Variants in HECW1 observed in about 807,000 individuals in gnomAD.
The protein encoded by HECW1 is E3 ubiquitin-protein ligase HECW1.
A neutral mutation model predicts 182.3 loss-of-function variants in HECW1; 61 were observed. The ratio of observed to expected loss-of-function variants is 0.33; its 90% CI spans 0.27 to 0.41. The LOEUF is 0.41. HECW1 is among the 10% of genes least tolerant of loss of function. The pLI, the probability that HECW1 is intolerant of heterozygous loss-of-function variation, is 1.00. For synonymous variants in HECW1, 859 were observed against 832.6 expected (o/e 1.03, Z -0.55); for missense variants, 1,739 against 2,108.9 (o/e 0.82, Z 3.44).
At chr7:43,279,744 G>A (rs1313302414) in intron 3 of HECW1, among the ~76,000 whole-genome samples, 1 of 151,976 alleles carries the variant, frequency 6.6e-6, no homozygotes, top group Non-Finnish European at 1.5e-5. Flanking sequence ...TTCCTTCATG[G>A]GGTATAGTAA....
At chr7:43,321,240 A>G (rs778130623) in intron 5 of HECW1, among the ~76,000 whole-genome samples, 3 of 152,216 alleles carry the variant, frequency 2.0e-5, no homozygotes, top group Admixed American at 6.5e-5. Context: ...GCTGTGAGAC[A>G]TTGGTACTAC....
In HECW1 at chr7:43,311,768, G is replaced by A. The variant is rs764656686; in HGVS notation, c.33G>A (p.Leu11=). The A allele has an allele frequency of 5.0e-6, 8 of 1,613,736 alleles. No homozygotes were observed. Among genetic ancestry groups the A allele is most frequent in the Admixed American group, 3.3e-5 (2 of 60,000 alleles). Reference sequence around the variant, plus strand: ...CTGTCTCTTTGCTCCCACAGAATCTGTACCAGAACAGGTTTTTAGGCCTGG... The same window carrying A: ...CTGTCTCTTTGCTCCCACAGAATCTATACCAGAACAGGTTTTTAGGCCTGG... MLLHLCSVKN[L]YQNRFLGLAA... Residue 11 remains leucine (L), a synonymous_variant, in exon 4 of 30, where the codon CTG becomes CTA. Transcript: ENST00000395891.
intron 2 of HECW1, among the ~76,000 whole-genome samples, chr7:43,204,423 G>T (rs10229386): frequency 0.084 from 12,847 of 152,154 alleles, 775 homozygotes; most frequent in East Asian, 0.27. Flanking sequence ...GTTAAAGGAT[G>T]CAACTCACTA....
intron 2 of HECW1, among the ~76,000 whole-genome samples, chr7:43,205,412 T>G (rs1795375330): frequency 6.6e-6 from 1 of 152,176 alleles, no homozygotes; most frequent in Non-Finnish European, 1.5e-5. Flanking sequence ...GCTGGAATTG[T>G]CATCCTAGGA....
At chr7:43,154,883 A>T (rs1789712681) in intron 2 of HECW1, among the ~76,000 whole-genome samples, 1 of 152,224 alleles carries the variant, frequency 6.6e-6, no homozygotes, top group African/African-American at 2.4e-5. Flanking sequence ...AAATTATGTA[A>T]CATTTGATAT....
At chr7:43,266,920 G>A (rs1036482140) in intron 3 of HECW1, among the ~76,000 whole-genome samples, 2 of 152,112 alleles carry the variant, frequency 1.3e-5, no homozygotes, top group African/African-American at 2.4e-5. Flanking sequence ...AGTGTTTAAT[G>A]GGACAAAGTT....
Position 43,407,727 on chromosome 7 carries a change from C to T in HECW1, c.797C>T (p.Ala266Val), listed in dbSNP as rs2152845129. The change falls in exon 8 of 30, where the codon GCC (alanine) becomes GTC (valine). Residue 266 changes from alanine to valine, a missense_variant. This residue lies in a region of HECW1 where 279 missense variants were observed against 353.1 expected (regional missense o/e 0.79). Coordinates refer to ENST00000395891, the MANE Select transcript of HECW1 (RefSeq NM_015052.5). The part of the protein sequence containing the change: ...IGNTVNPIWQ[A>V]EQFSFVSLPT... Reference sequence around the variant, plus strand: ...AACACCGTGAACCCCATCTGGCAGGCCGAGGTGAGTGCTGTGGGCCCTGAA... The same window carrying T: ...AACACCGTGAACCCCATCTGGCAGGTCGAGGTGAGTGCTGTGGGCCCTGAA... 6.2e-7 allele frequency: 1 copy of T among 1,609,706 alleles called. No homozygotes were observed. The highest frequency in any genetic ancestry group is 1.1e-5 in the South Asian group (1 of 90,792).
At chr7:43,493,243 A>G (rs1460218414) in intron 19 of HECW1, 63 bp downstream of exon 19, 2 of 1,070,576 alleles carry the variant, frequency 1.9e-6, no homozygotes, top group Admixed American at 3.6e-5. Context: ...CCGGTGGGAA[A>G]ACACCTCTGT....
At chr7:43,235,215 C>A (rs1475261468) in intron 2 of HECW1, among the ~76,000 whole-genome samples, 1 of 152,308 alleles carries the variant, frequency 6.6e-6, no homozygotes, top group Admixed American at 6.5e-5. Context: ...CCGGCCCCCA[C>A]ACCCATCACC....
intron 3 of HECW1, among the ~76,000 whole-genome samples, chr7:43,271,172 C>T (rs908636207): frequency 6.6e-6 from 1 of 152,020 alleles, no homozygotes; most frequent in Non-Finnish European, 1.5e-5. Flanking sequence ...GAAAACTTAA[C>T]CAAGAAACTT....
chr7:43,404,126 A>G (rs1038427132), intron 7 of HECW1, among the ~76,000 whole-genome samples: 1 of 152,370 alleles, frequency 6.6e-6, no homozygotes, highest in Admixed American at 6.5e-5. Flanking sequence ...GAGTGTTCTC[A>G]AATGACTACC....
At chr7:43,359,722 T>G (rs17545513) in intron 5 of HECW1, among the ~76,000 whole-genome samples, 76,304 of 152,046 alleles carry the variant, frequency 0.5, 19,590 homozygotes, top group African/African-American at 0.59. Flanking sequence ...TGCATGCTAA[T>G]AAAATTGTAG....
At chr7:43,290,054 C>T (rs970563533) in intron 3 of HECW1, among the ~76,000 whole-genome samples, 1 of 152,212 alleles carries the variant, frequency 6.6e-6, no homozygotes, top group African/African-American at 2.4e-5. Flanking sequence ...TTCAGAAAGA[C>T]AGATTGTAAA....
intron 2 of HECW1, among the ~76,000 whole-genome samples, chr7:43,149,199 G>A (rs921605998): frequency 6.6e-6 from 1 of 152,030 alleles, no homozygotes; most frequent in Admixed American, 6.5e-5. Context: ...TTAGAGCAGC[G>A]ACCCCCTTAA....
chr7:43,536,787 C>T (rs2081191898), intron 24 of HECW1, among the ~76,000 whole-genome samples: 1 of 103,562 alleles, frequency 9.7e-6, no homozygotes, highest in Admixed American at 9.0e-5. Context: ...GGTGAGCAAA[C>T]TTCAAAAGAG....
chr7:43,288,586 A>G (rs747297858), intron 3 of HECW1, among the ~76,000 whole-genome samples: 7 of 152,312 alleles, frequency 4.6e-5, no homozygotes, highest in Middle Eastern at 3.4e-3. Flanking sequence ...GCCCCAGGCT[A>G]GTTCCTCCCT....
At chr7:43,292,387 C>A (rs1332506244) in intron 3 of HECW1, among the ~76,000 whole-genome samples, 1 of 152,222 alleles carries the variant, frequency 6.6e-6, no homozygotes, top group African/African-American at 2.4e-5. Context: ...CATGCTCTCT[C>A]CTCTGTATCA....
At chr7:43,224,252 G>A (rs947674440) in intron 2 of HECW1, among the ~76,000 whole-genome samples, 1 of 152,218 alleles carries the variant, frequency 6.6e-6, no homozygotes, top group African/African-American at 2.4e-5. Context: ...TTCTCACCCA[G>A]TGCTTACCAG....
intron 6 of HECW1, among the ~76,000 whole-genome samples, chr7:43,369,257 G>A (rs1432057988): frequency 6.6e-6 from 1 of 152,110 alleles, no homozygotes. Flanking sequence ...TCAAGAGTTC[G>A]AGACCAGCCT....
Sources: gnomAD v4.1 joint callset for allele counts (sites outside exome capture counted in the v4.1 genomes callset) on GRCh38, gnomAD v4.1.1 for gene constraint, gnomAD v4.1.1 regional missense constraint, MANE v1.5 for transcripts, NCBI Gene and HGNC (gene_info 2026-07-23, HGNC 2026-07-21) for gene names.